LINGO2: variants seen among roughly 807,000 people sequenced by gnomAD.
LINGO2 encodes leucine-rich repeat and immunoglobulin-like domain-containing nogo receptor-interacting protein 2.
LINGO2 carries 14 observed loss-of-function variants against 30.6 expected under a neutral mutation model. The ratio of observed to expected loss-of-function variants is 0.46; its 90% CI spans 0.30 to 0.72. LINGO2 has a LOEUF of 0.72. Ranked by LOEUF, LINGO2 falls within the 30% of genes least tolerant of loss-of-function variation. LINGO2 has a pLI of 0.07. For synonymous variants in LINGO2, 317 were observed against 288.5 expected, an observed-to-expected ratio of 1.10 and a Z score of -1.00; for missense variants, 729 against 751.7, an observed-to-expected ratio of 0.97 and a Z score of 0.35.
At chr9:28,549,598 A>C (rs1357199840) in intron 1 of LINGO2, among the ~76,000 whole-genome samples, 1 of 152,020 alleles carries the variant, frequency 6.6e-6, no homozygotes, top group Non-Finnish European at 1.5e-5. Context: ...CTGCCACTGA[A>C]CTATGTCCTT....
chr9:28,247,972 G>T (rs1337630250), intron 4 of LINGO2, among the ~76,000 whole-genome samples: 1 of 152,146 alleles, frequency 6.6e-6, no homozygotes, highest in Non-Finnish European at 1.5e-5. Flanking sequence ...TGCCAGAGAG[G>T]ATGTGGAAAA....
chr9:28,284,136 C>A (rs1206315604), intron 4 of LINGO2, among the ~76,000 whole-genome samples: 1 of 152,090 alleles, frequency 6.6e-6, no homozygotes, highest in Non-Finnish European at 1.5e-5. Context: ...GCAGTACATC[C>A]CTGAATCTCT....
the LINGO2 span, among the ~76,000 whole-genome samples, chr9:29,158,201 A>AAC: frequency 3.3e-5 from 5 of 151,608 alleles, no homozygotes; most frequent in African/African-American, 1.2e-4. Flanking sequence ...AAACAAAAAA[A>AAC]AAACAAATGG....
chr9:28,619,384 C>T (rs989284309), intron 1 of LINGO2, among the ~76,000 whole-genome samples: 3 of 152,084 alleles, frequency 2.0e-5, no homozygotes, highest in Admixed American at 6.5e-5. Context: ...TCTAGGAATA[C>T]GTTATTTCTA....
chr9:28,953,552 G>C, the LINGO2 span, among the ~76,000 whole-genome samples: 1 of 151,886 alleles, frequency 6.6e-6, no homozygotes, highest in South Asian at 2.1e-4. Flanking sequence ...AAAAATTAGG[G>C]GAGTGAGACT....
chr9:28,944,790 A>C, the LINGO2 span, among the ~76,000 whole-genome samples: 1 of 152,088 alleles, frequency 6.6e-6, no homozygotes, highest in Non-Finnish European at 1.5e-5. Flanking sequence ...GATGACATAC[A>C]AACAGTCAAA....
the LINGO2 span, among the ~76,000 whole-genome samples, chr9:28,861,208 T>G: frequency 8.9e-6 from 1 of 112,584 alleles, no homozygotes; most frequent in African/African-American, 3.7e-5. Flanking sequence ...ATTATATATT[T>G]TTTATATAAT....
chr9:28,084,639 G>C (rs1363652530), intron 4 of LINGO2, among the ~76,000 whole-genome samples: 3 of 152,074 alleles, frequency 2.0e-5, no homozygotes, highest in Non-Finnish European at 4.4e-5. Context: ...CCAGTAGTAG[G>C]TGAAAAAGCT....
chr9:28,964,563 C>A, the LINGO2 span, among the ~76,000 whole-genome samples: 1 of 151,852 alleles, frequency 6.6e-6, no homozygotes, highest in South Asian at 2.1e-4. Context: ...GAATGAGAAA[C>A]CACCGACGAG....
At chr9:29,071,204 T>G in the LINGO2 span, among the ~76,000 whole-genome samples, 1 of 69,950 alleles carries the variant, frequency 1.4e-5, no homozygotes, top group South Asian at 4.7e-4. Context: ...GTATTGTATT[T>G]TTTAGAGACA....
chr9:28,108,451 C>T (rs1256893660), intron 4 of LINGO2, among the ~76,000 whole-genome samples: 6 of 151,658 alleles, frequency 4.0e-5, no homozygotes, highest in Non-Finnish European at 8.9e-5. Context: ...TTTTGCCTTA[C>T]ACTGGCCATC....
At chr9:27,985,182 ATGAG>A (rs1821066582) in intron 5 of LINGO2, among the ~76,000 whole-genome samples, 1 of 151,924 alleles carries the variant, frequency 6.6e-6, no homozygotes, top group Non-Finnish European at 1.5e-5. Flanking sequence ...TCTTCACAAC[ATGAG>A]TGTCATAACA....
At chr9:28,546,538 G>T (rs1053243922) in intron 1 of LINGO2, among the ~76,000 whole-genome samples, 1 of 151,960 alleles carries the variant, frequency 6.6e-6, no homozygotes, top group Non-Finnish European at 1.5e-5. Context: ...CTGAAATGAG[G>T]GTCTTATGAT....
intron 4 of LINGO2, among the ~76,000 whole-genome samples, chr9:28,104,148 T>C (rs1826500176): frequency 6.6e-6 from 1 of 151,982 alleles, no homozygotes. Context: ...TACTCCTCTC[T>C]GTCCTTCTTG....
intron 4 of LINGO2, among the ~76,000 whole-genome samples, chr9:28,204,358 T>A (rs1263575978): frequency 2.6e-5 from 4 of 152,220 alleles, no homozygotes; most frequent in Non-Finnish European, 5.9e-5. Flanking sequence ...AAGTAATGTT[T>A]ATTATGTTTG....
intron 2 of LINGO2, among the ~76,000 whole-genome samples, chr9:28,445,665 C>T (rs1824396203): frequency 2.6e-5 from 4 of 152,158 alleles, no homozygotes; most frequent in South Asian, 4.1e-4. Context: ...TAGAAAACAG[C>T]ATTCAGAGCT....
intron 4 of LINGO2, among the ~76,000 whole-genome samples, chr9:28,053,854 T>C (rs1052550668): frequency 5.3e-5 from 8 of 152,066 alleles, no homozygotes; most frequent in African/African-American, 1.7e-4. Context: ...TGCACTCTAA[T>C]TGGGAACACA....
intron 5 of LINGO2, among the ~76,000 whole-genome samples, chr9:27,995,870 T>C (rs1049588878): frequency 1.3e-5 from 2 of 152,106 alleles, no homozygotes; most frequent in Admixed American, 6.6e-5. Flanking sequence ...CAAAAGCAAT[T>C]ATACAGCAGA....
chr9:28,023,478 G>A (rs1339614813), intron 4 of LINGO2, among the ~76,000 whole-genome samples: 1 of 152,068 alleles, frequency 6.6e-6, no homozygotes, highest in Non-Finnish European at 1.5e-5. Context: ...AAACTTGTTG[G>A]TATGGTGGTA....
Sources: gnomAD v4.1 joint callset for allele counts (sites outside exome capture counted in the v4.1 genomes callset) on GRCh38, gnomAD v4.1.1 for gene constraint, MANE v1.5 for transcripts, NCBI Gene and HGNC (gene_info 2026-07-23, HGNC 2026-07-21) for gene names.